The following PAF1 variants were observed in gnomAD, a reference collection of about 807,000 sequenced individuals.
The protein encoded by PAF1 is PAF1 component of Paf1/RNA polymerase II complex.
Under a neutral mutation model 68.4 loss-of-function variants are expected in PAF1, and 31 were observed. That is an observed-to-expected ratio of 0.45 (90% CI 0.34 to 0.61). The LOEUF (loss-of-function observed/expected upper bound fraction) is 0.61. PAF1 is among the 20% of genes least tolerant of loss of function. The pLI, the probability that PAF1 is intolerant of heterozygous loss-of-function variation, is 0.01. For missense variants in PAF1, 435 were observed against 692.9 expected, an observed-to-expected ratio of 0.63 and a Z score of 4.18; for synonymous variants, 256 against 240.5, an observed-to-expected ratio of 1.06 and a Z score of -0.60.
rs1600612642 is a variant in PAF1, at chr19:39,389,110, CAA to C, written c.548_549del (p.Phe183Ter). ...TCAATTACTGATTTCTGGGCATCCT[CAA>C]AAGTCTTCTCAATGGCTGTGATCTG... is the stretch of plus-strand genomic sequence containing the variant. ...DSQITAIEKT[F>X]EDAQKSISQH... On this transcript the variant is annotated frameshift_variant, in exon 7 of 14. Coordinates refer to ENST00000221265, the MANE Select transcript of PAF1 (RefSeq NM_019088.4). LOFTEE classifies it high-confidence loss of function. The surrounding 1 kb of genome is among the most constrained non-coding windows in gnomAD (Gnocchi z 5.3). 1 of 1,614,076 alleles carries C rather than the reference CAA, an allele frequency of 6.2e-7. No homozygotes were observed. Among genetic ancestry groups the C allele is most frequent in the Non-Finnish European group, 8.5e-7 (1 of 1,179,936 alleles).
rs2078365031 is a variant in PAF1 at position 39,390,842 on chromosome 19, T to C, written c.23A>G (p.Gln8Arg). The C allele has an allele frequency of 6.3e-6, 10 of 1,587,104 alleles. No homozygotes were observed. The highest frequency in any genetic ancestry group is 8.6e-6 in the Non-Finnish European group (10 of 1,166,600). ...CCTGTGGCCATCCTCCCGCTGGGCC[T>C]GGGTCTGGATGGTGGGCGCCATAGC... MAPTIQT[Q>R]AQREDGHRPN... The change falls in exon 1 of 14, where the codon CAG becomes CGG. Residue 8 changes from glutamine (Q) to arginine (R), a missense_variant. Physicochemically the swap from Gln to Arg is conservative, Grantham distance 43 (BLOSUM62 1). Coordinates refer to ENST00000221265, the MANE Select transcript of PAF1 (RefSeq NM_019088.4).
chr19:39,388,326 G>T lies in PAF1; in HGVS notation c.986+13C>A. On this transcript the variant is annotated intron_variant, in intron 11 of 13. Transcript: ENST00000221265. ...ACAGATCCAGGCTAATCAGATAGGA[G>T]TGTGCTGAGTACCTGGTTTCCAACT... is the stretch of plus-strand genomic sequence containing the variant. 1.2e-6 allele frequency: 2 copies of T among 1,613,894 alleles called. No individual in the cohort carries two copies. Among genetic ancestry groups the T allele is most frequent in the Admixed American group, 1.7e-5 (1 of 60,016 alleles).
chr19:39,386,656 C>G lies in PAF1; in HGVS notation c.1092+38G>C. 1 of 1,594,406 alleles carries G rather than the reference C, an allele frequency of 6.3e-7. No individual in the cohort carries two copies. Among genetic ancestry groups the G allele is most frequent in the East Asian group, 2.2e-5 (1 of 44,788 alleles). On this transcript the variant is annotated intron_variant, in intron 12 of 13. Coordinates refer to ENST00000221265, the MANE Select transcript of PAF1 (RefSeq NM_019088.4). The surrounding 1 kb of genome is among the most constrained non-coding windows in gnomAD (Gnocchi z 6.1). ...CCTCCTCACCTACAACCACCACCCTCCCTGCCATGGGTGCCCTGAGCCAGT... is the reference window on the plus strand; with the variant it reads ...CCTCCTCACCTACAACCACCACCCTGCCTGCCATGGGTGCCCTGAGCCAGT...
At position 39,386,031 on chromosome 19, in the gene PAF1, G is replaced by C; in HGVS notation, c.1556C>G (p.Ala519Gly). Residue 519 changes from alanine to glycine, a missense_variant, in exon 14 of 14, where the codon GCA (alanine) becomes GGA (glycine). Physicochemically the swap from Ala to Gly is moderately conservative, Grantham distance 60. Transcript: ENST00000221265. This position sits in a 1 kb window ranked among gnomAD's most constrained non-coding sequence, Gnocchi z 6.1. ...ATCAGCTTCACTGGAATCAGAAGCT[G>C]CAGCTTCACTGCCATCCTCCTGGGC... ...HSAQEDGSEA[A>G]ASDSSEADSD... 6.2e-7 allele frequency: 1 copy of C among 1,613,800 alleles called. No individual in the cohort carries two copies. The highest frequency in any genetic ancestry group is 8.5e-7 in the Non-Finnish European group (1 of 1,179,962).
Position 39,388,695 on chromosome 19 carries a change from G to C in PAF1, c.741-19C>G. The stretch of plus-strand genomic sequence containing the variant: ...CATGCCCCTGGTTGGGGGAAAAGGA[G>C]TAGCAATGAAGTGTGAGGACAAGAG... On this transcript the variant is annotated intron_variant, in intron 9 of 13. Coordinates refer to ENST00000221265, the MANE Select transcript of PAF1 (RefSeq NM_019088.4). 1 of 1,612,054 alleles carries C rather than the reference G, an allele frequency of 6.2e-7. No individual in the cohort carries two copies. The highest frequency in any genetic ancestry group is 8.5e-7 in the Non-Finnish European group (1 of 1,178,062).
At position 39,385,900 on chromosome 19, in the gene PAF1, A is replaced by G. The variant is rs569849161; in HGVS notation, c.*91T>C. ...CAGCAAAGGTTTGGGGGTGGGGAAC[A>G]AACAAGTGAAAGGCTCACAAACAGA... On this transcript the variant is annotated 3_prime_UTR_variant, in exon 14 of 14. Coordinates refer to ENST00000221265, the MANE Select transcript of PAF1 (RefSeq NM_019088.4). 5 of 1,548,678 alleles carry G rather than the reference A, an allele frequency of 3.2e-6. No individual in the cohort carries two copies. In the South Asian group the frequency reaches 3.5e-5, roughly 11 times the overall value.
intron 11 of PAF1, chr19:39,387,021 C>CTG (rs896397972): frequency 1.4e-4 from 84 of 601,908 alleles, no homozygotes; most frequent in South Asian, 9.8e-4. Context: ...TTGCCCTACA[C>CTG]TGTGTGTGTG....
At position 39,389,499 on chromosome 19, in the gene PAF1, C is replaced by T. The variant is rs2078326044; in HGVS notation, c.340G>A (p.Ala114Thr). The T allele has an allele frequency of 6.2e-7, 1 of 1,614,174 alleles. No homozygotes were observed. Among genetic ancestry groups the T allele is most frequent in the Non-Finnish European group, 8.5e-7 (1 of 1,180,028 alleles). The part of the protein sequence containing the change: ...DEKLLEEEIQ[A>T]PTSSKRSQQH... ...ACTCACCTCTTGGAGCTGGTGGGGG[C>T]CTGAATCTCCTCTTCCAAAAGTTTC... Residue 114 changes from alanine (A) to threonine (T), a missense_variant, in exon 5 of 14, where the codon GCC (alanine) becomes ACC (threonine). Around this residue, in one of 7 missense-constraint regions of PAF1, gnomAD observed 77 missense variants for 118.2 expected, o/e 0.65. Transcript: ENST00000221265. This position sits in a 1 kb window ranked among gnomAD's most constrained non-coding sequence, Gnocchi z 5.3.
In PAF1 at chr19:39,389,387, G is replaced by T; in HGVS notation, c.360-4C>A. On this transcript the variant is annotated splice_polypyrimidine_tract_variant and splice_region_variant and intron_variant, in intron 5 of 13. Transcript: ENST00000221265. This position sits in a 1 kb window ranked among gnomAD's most constrained non-coding sequence, Gnocchi z 5.3. ...CACCTTCGCGTGCTGCTGGGATCTG[G>T]GGTGGGAAATCAGGTATCTCAGGAC... 1 of 1,614,010 alleles carries T rather than the reference G, an allele frequency of 6.2e-7. No homozygotes were observed. Among genetic ancestry groups the T allele is most frequent in the South Asian group, 1.1e-5 (1 of 91,074 alleles).
chr19:39,388,004 G>A (rs959777967), intron 11 of PAF1, among the ~76,000 whole-genome samples: 1 of 152,170 alleles, frequency 6.6e-6, no homozygotes, highest in Admixed American at 6.5e-5. Context: ...AGCTGGCCAT[G>A]CTGGCACACG....
In PAF1 at chr19:39,385,969, C is replaced by A. The variant is rs1310421228; in HGVS notation, c.*22G>T. On this transcript the variant is annotated 3_prime_UTR_variant, in exon 14 of 14. Transcript: ENST00000221265. ...GCTGCTCACAATAATGGTGTCTGAA[C>A]CAGCCCTGAATGCCCTGGGACTCAG... 6.2e-7 allele frequency: 1 copy of A among 1,612,298 alleles called. No homozygotes were observed. Among genetic ancestry groups the A allele is most frequent in the Non-Finnish European group, 8.5e-7 (1 of 1,180,004 alleles).
rs887370396 is a variant in PAF1 at position 39,390,870 on chromosome 19, C to T, written c.-6G>A. The T allele has an allele frequency of 6.3e-6, 10 of 1,579,390 alleles. No homozygotes were observed. In the African/African-American group the frequency reaches 1.1e-4, roughly 17 times the overall value. ...GTCTGGATGGTGGGCGCCATAGCGACGAGGCGACGGCAGCCCGGACGGGGT... is the reference window on the plus strand; with the variant it reads ...GTCTGGATGGTGGGCGCCATAGCGATGAGGCGACGGCAGCCCGGACGGGGT... On this transcript the variant is annotated 5_prime_UTR_variant, in exon 1 of 14. Coordinates refer to ENST00000221265, the MANE Select transcript of PAF1 (RefSeq NM_019088.4).
In PAF1 at chr19:39,389,255, T is replaced by A; in HGVS notation, c.461+27A>T. 6.2e-7 allele frequency: 1 copy of A among 1,609,120 alleles called. No homozygotes were observed. The highest frequency in any genetic ancestry group is 8.5e-7 in the Non-Finnish European group (1 of 1,175,434). ...ACTGGACACACCTAATATCTCCACC[T>A]TCCCTCTCTTCCTGTTAGTAACTTA... On this transcript the variant is annotated intron_variant, in intron 6 of 13. Coordinates refer to ENST00000221265, the MANE Select transcript of PAF1 (RefSeq NM_019088.4). The surrounding 1 kb of genome is among the most constrained non-coding windows in gnomAD (Gnocchi z 5.3).
At position 39,389,716 on chromosome 19, in the gene PAF1, A is replaced by G. The variant is rs778687735; in HGVS notation, c.216T>C (p.His72=). Residue 72 remains histidine, a synonymous_variant, in exon 4 of 14, where the codon CAT becomes CAC. Coordinates refer to ENST00000221265, the MANE Select transcript of PAF1 (RefSeq NM_019088.4). The surrounding 1 kb of genome is among the most constrained non-coding windows in gnomAD (Gnocchi z 5.3). ...KATSLEKQHK[H]DLLTEPDLGV... Reference sequence around the variant, plus strand: ...CCAGGTCTGGCTCAGTCAGGAGGTCATGTTTGTGCTGTTTCTCCAAGGAAG... The same window carrying G: ...CCAGGTCTGGCTCAGTCAGGAGGTCGTGTTTGTGCTGTTTCTCCAAGGAAG... The G allele has an allele frequency of 8.7e-6, 14 of 1,613,980 alleles. No individual in the cohort carries two copies. Among genetic ancestry groups the G allele is most frequent in the Middle Eastern group, 1.6e-4 (1 of 6,084 alleles).
rs764973388 is a variant in PAF1 at position 39,386,282 on chromosome 19, A to C, written c.1305T>G (p.Gly435=). The C allele has an allele frequency of 3.7e-6, 6 of 1,613,682 alleles. No individual in the cohort carries two copies. In the African/African-American group the frequency reaches 8.0e-5, roughly 22 times the overall value. Residue 435 remains glycine (G), a synonymous_variant, in exon 14 of 14, where the codon GGT becomes GGG. Coordinates refer to ENST00000221265, the MANE Select transcript of PAF1 (RefSeq NM_019088.4). The surrounding 1 kb of genome is among the most constrained non-coding windows in gnomAD (Gnocchi z 6.1). ...RDEASDKSGS[G]EDESSEDEAR... is the part of the protein sequence containing the mutation. The stretch of plus-strand genomic sequence containing the variant: ...CCTCATCCTCGCTGCTCTCGTCCTC[A>C]CCACTGCCACTCTTGTCACTGGCCT...
Position 39,385,994 on chromosome 19 carries a change from G to A in PAF1, c.1593C>T (p.Asp531=), listed in dbSNP as rs763121201. 1.6e-5 allele frequency: 26 copies of A among 1,613,338 alleles called. No homozygotes were observed. In the Admixed American group the frequency reaches 2.0e-4, roughly 12 times the overall value. ...CCAGCCCTGAATGCCCTGGGACTCA[G>A]TCACTGTCACTATCAGCTTCACTGG... is the stretch of plus-strand genomic sequence containing the variant. ...SDSSEADSDS[D] The change falls in exon 14 of 14, where the codon GAC becomes GAT. Residue 531 remains aspartate, a synonymous_variant. Transcript: ENST00000221265.
Position 39,386,317 on chromosome 19 carries a change from C to G in PAF1, c.1270G>C (p.Asp424His). ...SGSESEREEG[D>H]RDEASDKSGS... ...CTCTTGTCACTGGCCTCGTCCCTGT[C>G]ACCTTCCTCCCGTTCACTCTCGCTG... Residue 424 changes from aspartate to histidine, a missense_variant, in exon 14 of 14, where the codon GAC becomes CAC. By Grantham distance (81) the Asp-to-His change is moderately conservative. This residue lies in a region of PAF1 where 78 missense variants were observed against 80.6 expected (regional missense o/e 0.97). Transcript: ENST00000221265. The surrounding 1 kb of genome is among the most constrained non-coding windows in gnomAD (Gnocchi z 6.1). The G allele has an allele frequency of 6.2e-7, 1 of 1,614,222 alleles. No homozygotes were observed. The highest frequency in any genetic ancestry group is 8.5e-7 in the Non-Finnish European group (1 of 1,180,038).
rs761999263 is a variant in PAF1, at chr19:39,386,168, C to T, written c.1419G>A (p.Gln473=). 5.0e-6 allele frequency: 8 copies of T among 1,614,182 alleles called. No individual in the cohort carries two copies. In the South Asian group the frequency reaches 8.8e-5, roughly 18 times the overall value. ...AATCATTGTCACTGCCACCTTGGGC[C>T]TGTCCTCTGTCCTCATCATCAGAGT... ...DADSDDEDRG[Q]AQGGSDNDSD... is the part of the protein sequence containing the mutation. The change falls in exon 14 of 14, where the codon CAG becomes CAA. Residue 473 remains glutamine, a synonymous_variant. Coordinates refer to ENST00000221265, the MANE Select transcript of PAF1 (RefSeq NM_019088.4). The surrounding 1 kb of genome is among the most constrained non-coding windows in gnomAD (Gnocchi z 6.1).
Position 39,389,562 on chromosome 19 carries a change from G to A in PAF1, c.293-16C>T. The stretch of plus-strand genomic sequence containing the variant: ...TCTAGAAGAACTAGAGGAGAGCGGG[G>A]GGCAGGAGGACCATGAGGGAGGCCC... On this transcript the variant is annotated splice_polypyrimidine_tract_variant and intron_variant, in intron 4 of 13. Coordinates refer to ENST00000221265, the MANE Select transcript of PAF1 (RefSeq NM_019088.4). The surrounding 1 kb of genome is among the most constrained non-coding windows in gnomAD (Gnocchi z 5.3). The A allele has an allele frequency of 6.2e-7, 1 of 1,614,176 alleles. No individual in the cohort carries two copies. Among genetic ancestry groups the A allele is most frequent in the Non-Finnish European group, 8.5e-7 (1 of 1,180,018 alleles).
Sources: gnomAD v4.1 joint callset for allele counts (sites outside exome capture counted in the v4.1 genomes callset) on GRCh38, gnomAD v4.1.1 for gene constraint, gnomAD v4.1.1 regional missense constraint, Gnocchi (gnomAD v3.1) non-coding constraint, MANE v1.5 for transcripts, NCBI Gene and HGNC (gene_info 2026-07-23, HGNC 2026-07-21) for gene names.